PEPD: variants seen among roughly 807,000 people sequenced by gnomAD.
The protein encoded by PEPD is xaa-Pro dipeptidase.
PEPD carries 53 observed loss-of-function variants against 60.7 expected under a neutral mutation model. The ratio of observed to expected loss-of-function variants is 0.87; its 90% confidence interval spans 0.70 to 1.10. PEPD has a LOEUF of 1.10. Ranked by LOEUF, PEPD falls within the 50% of genes least tolerant of loss-of-function variation. The probability of loss-of-function intolerance (pLI) is 0.00; values close to 1 mark genes in which losing one functional copy is unlikely to be tolerated. For synonymous variants in PEPD, 267 were observed against 284.1 expected (o/e 0.94, Z 0.60); for missense variants, 711 against 711.9 (o/e 1.00, Z 0.01).
At chr19:33,393,060 T>A (rs1968263223) in intron 12 of PEPD, among the ~76,000 whole-genome samples, 1 of 150,692 alleles carries the variant, frequency 6.6e-6, no homozygotes, top group Non-Finnish European at 1.5e-5. Context: ...GGGGTGGAGA[T>A]GCCCAGACCT....
intron 12 of PEPD, among the ~76,000 whole-genome samples, chr19:33,397,882 C>G (rs1292984119): frequency 6.6e-6 from 1 of 152,202 alleles, no homozygotes; most frequent in Admixed American, 6.5e-5. Context: ...CCACATGGGG[C>G]CTGGGGACTT....
intron 6 of PEPD, among the ~76,000 whole-genome samples, chr19:33,480,553 T>C (rs1334123438): frequency 6.6e-6 from 1 of 152,034 alleles, no homozygotes; most frequent in Non-Finnish European, 1.5e-5. Context: ...TCGCAGCACT[T>C]TGGGAGGCCA....
rs1392094321 is a variant in PEPD at position 33,511,062 on chromosome 19, T to C, written c.295A>G (p.Arg99Gly). 4 of 1,613,154 alleles carry C rather than the reference T, an allele frequency of 2.5e-6. No homozygotes were observed. Among genetic ancestry groups the C allele is most frequent in the Non-Finnish European group, 2.5e-6 (3 of 1,179,556 alleles). ...CAGGTGGCATGGCTGGCAGGAAGCC[T>C]GGGCACAAACAGGGTCGACTTCCCA... is the stretch of plus-strand genomic sequence containing the variant. Reference protein sequence around the residue: ...DTGKSTLFVPRLPASHATWMG... With the variant: ...DTGKSTLFVPGLPASHATWMG... The change falls in exon 3 of 15, where the codon AGG becomes GGG. Residue 99 changes from arginine to glycine, a missense_variant. Transcript: ENST00000244137.
In PEPD at chr19:33,517,560, AAAAAAACAAAAAAC is replaced by A. The variant is rs147946504; in HGVS notation, c.17+4170_17+4183del. ...GGTGAAAGAGCAAGACTCCGTTTCAAAAAAAACAAAAAACAAAAAACAAAAAAAAACCTGATGCC... is the reference window on the plus strand; with the variant it reads ...GGTGAAAGAGCAAGACTCCGTTTCAAAAAAAACAAAAAAAAACCTGATGCC... On this transcript the variant is annotated intron_variant, in intron 1 of 14. Coordinates refer to ENST00000244137, the MANE Select transcript of PEPD (RefSeq NM_000285.4). 8.6e-5 allele frequency among the ~76,000 whole-genome samples: 13 copies of A among 151,690 alleles called. 1 individual carries two copies. The South Asian group carries it at 1.9e-3, about 22-fold the overall frequency.
At chr19:33,427,304 C>A (rs1969172265) in intron 9 of PEPD, among the ~76,000 whole-genome samples, 1 of 152,174 alleles carries the variant, frequency 6.6e-6, no homozygotes, top group Admixed American at 6.5e-5. Context: ...CCATCGGGGA[C>A]CTCTCAGTGC....
chr19:33,520,131 T>C (rs1325569174), intron 1 of PEPD, among the ~76,000 whole-genome samples: 1 of 151,496 alleles, frequency 6.6e-6, no homozygotes, highest in Non-Finnish European at 1.5e-5. Context: ...CCAGACTTGC[T>C]CCCGTCCAGA....
intron 7 of PEPD, among the ~76,000 whole-genome samples, chr19:33,474,724 T>C (rs2145292099): frequency 6.6e-6 from 1 of 151,986 alleles, no homozygotes; most frequent in East Asian, 1.9e-4. Flanking sequence ...CTCACGCCTA[T>C]AATCCCAACA....
chr19:33,514,713 G>A (rs1329949027), intron 1 of PEPD, among the ~76,000 whole-genome samples: 1 of 151,604 alleles, frequency 6.6e-6, no homozygotes, highest in African/African-American at 2.4e-5. Context: ...TCCCTCCCTG[G>A]GGACCCTGGA....
At chr19:33,456,331 C>T (rs1263714484) in intron 9 of PEPD, among the ~76,000 whole-genome samples, 2 of 152,150 alleles carry the variant, frequency 1.3e-5, no homozygotes, top group Admixed American at 6.5e-5. Context: ...AAGGAATTCT[C>T]CACCCAAGAC....
intron 5 of PEPD, among the ~76,000 whole-genome samples, chr19:33,490,690 G>T (rs1274842074): frequency 6.6e-6 from 1 of 152,108 alleles, no homozygotes. Context: ...TTGAGACAGT[G>T]TCTTGCTCTG....
intron 4 of PEPD, among the ~76,000 whole-genome samples, chr19:33,495,191 C>T (rs1206241644): frequency 6.6e-6 from 1 of 151,914 alleles, no homozygotes; most frequent in Non-Finnish European, 1.5e-5. Flanking sequence ...TGATGAACAT[C>T]CTCGCATACA....
At chr19:33,444,053 A>C (rs578105326) in intron 9 of PEPD, among the ~76,000 whole-genome samples, 3 of 152,272 alleles carry the variant, frequency 2.0e-5, no homozygotes, top group East Asian at 3.9e-4. Context: ...TATCACACGC[A>C]CTTACGTTCG....
intron 9 of PEPD, among the ~76,000 whole-genome samples, chr19:33,429,721 A>C (rs1386488992): frequency 7.2e-5 from 11 of 152,246 alleles, no homozygotes; most frequent in African/African-American, 2.7e-4. Context: ...ATTTCTGTAC[A>C]TCAAATTGGG....
intron 12 of PEPD, chr19:33,395,166 C>T (rs1366995380): frequency 6.6e-6 from 1 of 152,458 alleles, no homozygotes; most frequent in Non-Finnish European, 1.5e-5. Context: ...AGATGTGCTC[C>T]CATTCCTCCT....
chr19:33,511,633 G>A (rs568340556), intron 2 of PEPD: 1 of 236,906 alleles, frequency 4.2e-6, no homozygotes, highest in African/African-American at 2.2e-5. Flanking sequence ...GATGAATGCT[G>A]CGCTAAAAGG....
chr19:33,410,322 G>A (rs1444786765), intron 11 of PEPD, among the ~76,000 whole-genome samples: 7 of 152,364 alleles, frequency 4.6e-5, no homozygotes, highest in South Asian at 2.1e-4. Context: ...CGGGGAGCCC[G>A]GGCAGTCTCA....
Position 33,413,581 on chromosome 19 carries a change from C to CAGATGCAGGT in PEPD, c.724_733dup (p.Cys245TyrfsTer8). On this transcript the variant is annotated frameshift_variant, in exon 10 of 15. Coordinates refer to ENST00000244137, the MANE Select transcript of PEPD (RefSeq NM_000285.4). LOFTEE classifies it high-confidence loss of function. ...GCCAGGGTGCCCCGCTTACCTGCCG[C>CAGATGCAGGT]AGATGCAGGTGTAGGAGCTGTGGCG... 6.4e-7 allele frequency: 1 copy of CAGATGCAGGT among 1,571,606 alleles called. No homozygotes were observed.
intron 13 of PEPD, chr19:33,388,562 T>G: frequency 3.7e-6 from 1 of 269,090 alleles, no homozygotes; most frequent in East Asian, 8.3e-5. Flanking sequence ...CCAGCTCCCC[T>G]AGGCCGAGGC....
chr19:33,455,542 G>A (rs373502573), intron 9 of PEPD, among the ~76,000 whole-genome samples: 2 of 150,832 alleles, frequency 1.3e-5, no homozygotes, highest in African/African-American at 2.4e-5. Context: ...TCACTCTGTC[G>A]CCCAGATGGG....
Sources: allele counts gnomAD v4.1 joint callset (sites outside exome capture counted in the v4.1 genomes callset), GRCh38; gene constraint gnomAD v4.1.1; transcripts MANE v1.5; gene names NCBI Gene and HGNC (gene_info 2026-07-23, HGNC 2026-07-21).